Variants in MUC3A observed in about 807,000 individuals in gnomAD.
The protein encoded by MUC3A is mucin-3A.
Under a neutral mutation model 109.0 loss-of-function variants are expected in MUC3A, and 109 were observed. The ratio of observed to expected loss-of-function variants is 1.00; its 90% confidence interval spans 0.86 to 1.17. The LOEUF is 1.17. Among genes scored for constraint, MUC3A ranks in the 50% most tolerant of loss-of-function variants. The pLI, the probability that MUC3A is intolerant of heterozygous loss-of-function variation, is 0.00. For synonymous variants in MUC3A, 1,398 were observed against 981.4 expected (o/e 1.42, Z -7.93); for missense variants, 3,537 against 2,469.4 (o/e 1.43, Z -9.16).
At chr7:100,963,872 A>C (rs764336979) in intron 5 of MUC3A, 120 bp downstream of exon 5, 42 of 1,418,812 alleles carry the variant, frequency 3.0e-5, no homozygotes, top group Admixed American at 3.9e-5. Context: ...GAGGGGGTAC[A>C]TAAGGAATCA....
Position 100,964,798 on chromosome 7 carries a change from C to T in MUC3A, c.9337C>T (p.Leu3113=). Residue 3113 remains leucine (L), a synonymous_variant, in exon 6 of 12, where the codon CTG becomes TTG. Coordinates refer to ENST00000379458, the MANE Select transcript of MUC3A (RefSeq NM_005960.2). ...GGTGAAGACCACGCTGAAGGAGGGG[C>T]TGCAGAACGCCAGCCAGGATGTGAA... ...EQVKTTLKEG[L]QNASQDVNSC... 1.3e-6 allele frequency: 2 copies of T among 1,598,272 alleles called. No individual in the cohort carries two copies. The highest frequency in any genetic ancestry group is 2.2e-5 in the East Asian group (1 of 44,888).
rs1792616335 is a variant in MUC3A, at chr7:100,967,111, ACT to A, written c.9931-7_9931-6del. ...CTCCGCGTTCCCGTCCCTCACTGTG[ACT>A]CTGACAGGTGCACATCAAGAGACCC... is the stretch of plus-strand genomic sequence containing the variant. On this transcript the variant is annotated splice_polypyrimidine_tract_variant and splice_region_variant and intron_variant, in intron 11 of 11. Coordinates refer to ENST00000379458, the MANE Select transcript of MUC3A (RefSeq NM_005960.2). 2 of 1,598,538 alleles carry A rather than the reference ACT, an allele frequency of 1.3e-6. No individual in the cohort carries two copies. The highest frequency in any genetic ancestry group is 1.7e-6 in the Non-Finnish European group (2 of 1,179,816).
At chr7:100,962,777 CTTT>C (rs1792376509) in intron 3 of MUC3A, among the ~76,000 whole-genome samples, 1 of 145,998 alleles carries the variant, frequency 6.8e-6, no homozygotes, top group Admixed American at 6.9e-5. Context: ...TTCTTTCCTT[CTTT>C]CTTTCTCTTT....
intron 3 of MUC3A, among the ~76,000 whole-genome samples, chr7:100,962,633 C>CT (rs1283811279): frequency 1.5e-3 from 1 of 684 alleles, no homozygotes. Context: ...TCGCTCTCTT[C>CT]TTTCTTTTCT....
At position 100,959,098 on chromosome 7, in the gene MUC3A, C is replaced by A. The variant is rs776874267; in HGVS notation, c.7319C>A (p.Thr2440Asn). The A allele has an allele frequency of 1.0e-4, 161 of 1,595,610 alleles. No homozygotes were observed. In the Admixed American group the frequency reaches 2.7e-3, roughly 26 times the overall value. Residue 2440 changes from threonine (T) to asparagine (N), a missense_variant, in exon 2 of 12, where the codon ACT (threonine) becomes AAT (asparagine). Coordinates refer to ENST00000379458, the MANE Select transcript of MUC3A (RefSeq NM_005960.2). Reference sequence around the variant, plus strand: ...ACCACTGAGACCACCTCAGAGAGTACTCCCAGCCTCAGTTCTTCAACCATC... The same window carrying A: ...ACCACTGAGACCACCTCAGAGAGTAATCCCAGCCTCAGTTCTTCAACCATC... The part of the protein sequence containing the change: ...ITTTETTSES[T>N]PSLSSSTIYS...
rs1317829157 is a variant in MUC3A, at chr7:100,964,691, T to G, written c.9234-4T>G. The G allele has an allele frequency of 1.9e-6, 3 of 1,597,800 alleles. No individual in the cohort carries two copies. In the African/African-American group the frequency reaches 4.0e-5, roughly 21 times the overall value. ...GGCACTCTCTAAGGCTGTGGACCCC[T>G]CAGGAATGGCAGCATCGTGGTGGAC... On this transcript the variant is annotated splice_polypyrimidine_tract_variant and splice_region_variant and intron_variant, in intron 5 of 11. Transcript: ENST00000379458.
chr7:100,966,362 G>A (rs1792557691), intron 8 of MUC3A, 24 bp from the exon 9 acceptor site: 1 of 1,319,612 alleles, frequency 7.6e-7, no homozygotes, highest in Non-Finnish European at 9.6e-7. Flanking sequence ...GGTGAAGAGG[G>A]TCTGACCCTG....
rs756940839 is a variant in MUC3A, at chr7:100,958,938, C to T, written c.7159C>T (p.His2387Tyr). Residue 2387 changes from histidine to tyrosine, a missense_variant, in exon 2 of 12, where the codon CAC becomes TAC. Coordinates refer to ENST00000379458, the MANE Select transcript of MUC3A (RefSeq NM_005960.2). ...AATCACCACCACTGAGACCCCCTTA[C>T]ACAGTACTCCTGGCCTCACTTCGTG... ...SSITTTETPL[H>Y]STPGLTSWVT... 8.5e-6 allele frequency: 11 copies of T among 1,290,344 alleles called. No individual in the cohort carries two copies. The African/African-American group carries it at 1.6e-4, about 18-fold the overall frequency. The allele number at this position is 1,290,344 out of a possible 1,614,324, so 79.9% of individuals were successfully genotyped here.
chr7:100,963,271 A>C lies in MUC3A; in HGVS notation c.9168+5A>C. The C allele has an allele frequency of 1.3e-6, 2 of 1,586,368 alleles. No individual in the cohort carries two copies. The highest frequency in any genetic ancestry group is 1.7e-5 in the Admixed American group (1 of 57,906). On this transcript the variant is annotated splice_donor_5th_base_variant and intron_variant, in intron 4 of 11. Transcript: ENST00000379458. ...AACAAGACCTTCTGGAATCAGGTAA[A>C]GGGCAAAGAGAGGGGATTTTTTTTT...
Position 100,966,707 on chromosome 7 carries a change from A to G in MUC3A, c.9841A>G (p.Thr3281Ala), listed in dbSNP as rs748640902. ...FETWDEEVVG[T>A]FSNWGFEDDG... Reference sequence around the variant, plus strand: ...GACCTGGGATGAGGAAGTCGTGGGCACTTTTTCAAACTGGGGTTTCGAGGA... The same window carrying G: ...GACCTGGGATGAGGAAGTCGTGGGCGCTTTTTCAAACTGGGGTTTCGAGGA... The change falls in exon 10 of 12, where the codon ACT (threonine) becomes GCT (alanine). Residue 3281 changes from threonine (T) to alanine (A), a missense_variant. Transcript: ENST00000379458. 6.3e-7 allele frequency: 1 copy of G among 1,598,556 alleles called. No individual in the cohort carries two copies. The highest frequency in any genetic ancestry group is 8.5e-7 in the Non-Finnish European group (1 of 1,179,836).
chr7:100,960,927 G>C lies in MUC3A; in HGVS notation c.9042G>C (p.Gln3014His), dbSNP rs779185872. 1 of 1,598,544 alleles carries C rather than the reference G, an allele frequency of 6.3e-7. No individual in the cohort carries two copies. The highest frequency in any genetic ancestry group is 1.3e-5 in the African/African-American group (1 of 75,086). ...CCAGTTGTGAGTTTGCTGTGGAACA[G>C]GTGGATCTAGGTGAGTTGCCAGAGC... ...YGSSCEFAVEQVDLDVVETEV... is the reference protein window; with the variant it reads ...YGSSCEFAVEHVDLDVVETEV... Residue 3014 changes from glutamine (Q) to histidine (H), a missense_variant, in exon 3 of 12, where the codon CAG (glutamine) becomes CAC (histidine). Gln to His is a conservative substitution (Grantham distance 24). Coordinates refer to ENST00000379458, the MANE Select transcript of MUC3A (RefSeq NM_005960.2).
intron 5 of MUC3A, 149 bp downstream of exon 5, chr7:100,963,901 G>A (rs553555024): frequency 1.5e-5 from 17 of 1,129,562 alleles, no homozygotes; most frequent in South Asian, 8.4e-5. Flanking sequence ...GTATTTTTTC[G>A]GATCGTTTTC....
chr7:100,959,079 G>C lies in MUC3A; in HGVS notation c.7300G>C (p.Glu2434Gln). Residue 2434 changes from glutamate (E) to glutamine (Q), a missense_variant, in exon 2 of 12, where the codon GAG becomes CAG. By Grantham distance (29) the Glu-to-Gln change is conservative (BLOSUM62 2). Transcript: ENST00000379458. ...PGFTSSITTT[E>Q]TTSESTPSLS... is the part of the protein sequence containing the mutation. ...CTTCACTTCTTCAATCACCACCACT[G>C]AGACCACCTCAGAGAGTACTCCCAG... The C allele has an allele frequency of 6.6e-7, 1 of 1,506,214 alleles. No homozygotes were observed. The allele number at this position is 1,506,214 out of a possible 1,614,324, so 93.3% of individuals were successfully genotyped here.
chr7:100,955,126 C>G lies in MUC3A; in HGVS notation c.3347C>G (p.Thr1116Ser). ...ATAACAGGTACATTGTCCACTGCCA[C>G]TACTCTCCCACCCACCTCTTCCTCT... ...TSITGTLSTA[T>S]TLPPTSSSLP... Residue 1116 changes from threonine (T) to serine (S), a missense_variant, in exon 2 of 12, where the codon ACT (threonine) becomes AGT (serine). Thr to Ser is a moderately conservative substitution (Grantham distance 58). Coordinates refer to ENST00000379458, the MANE Select transcript of MUC3A (RefSeq NM_005960.2). 1.8e-6 allele frequency: 1 copy of G among 556,298 alleles called. No homozygotes were observed. 34.5% of individuals were successfully genotyped at this position (556,298 alleles called of 1,614,324 possible).
Position 100,966,493 on chromosome 7 carries a change from T to A in MUC3A, c.9719T>A (p.Leu3240Gln), listed in dbSNP as rs1792566848. 3.8e-6 allele frequency: 5 copies of A among 1,315,646 alleles called. No homozygotes were observed. The highest frequency in any genetic ancestry group is 4.8e-6 in the Non-Finnish European group (5 of 1,042,422). The allele number at this position is 1,315,646 out of a possible 1,614,324, so 81.5% of individuals were successfully genotyped here. The part of the protein sequence containing the change: ...GLTAGAALLV[L>Q]LLLALGVRAV... Reference sequence around the variant, plus strand: ...ACGGCCGGCGCCGCGCTGCTGGTGCTGCTGCTGCTGGCGCTGGGCGTCCGG... The same window carrying A: ...ACGGCCGGCGCCGCGCTGCTGGTGCAGCTGCTGCTGGCGCTGGGCGTCCGG... Residue 3240 changes from leucine (L) to glutamine (Q), a missense_variant, in exon 9 of 12, where the codon CTG (leucine) becomes CAG (glutamine). Transcript: ENST00000379458.
intron 1 of MUC3A, among the ~76,000 whole-genome samples, chr7:100,950,810 G>A (rs1240494919): frequency 3.3e-5 from 5 of 152,306 alleles, no homozygotes; most frequent in African/African-American, 9.6e-5. Flanking sequence ...ATGTCTATTT[G>A]TGTGATGAAC....
Position 100,957,058 on chromosome 7 carries a change from C to T in MUC3A, c.5279C>T (p.Thr1760Ile), listed in dbSNP as rs941366580. Residue 1760 changes from threonine (T) to isoleucine (I), a missense_variant, in exon 2 of 12, where the codon ACT (threonine) becomes ATT (isoleucine). Thr to Ile is a moderately conservative substitution (Grantham distance 89). Transcript: ENST00000379458. The part of the protein sequence containing the change: ...TGSFKTAVSS[T>I]PPITSSITST... ...TCTTTCAAAACAGCCGTGAGTTCTA[C>T]TCCCCCCATCACTTCTTCAATCACC... is the stretch of plus-strand genomic sequence containing the variant. 11 of 453,796 alleles carry T rather than the reference C, an allele frequency of 2.4e-5. No homozygotes were observed. Among genetic ancestry groups the T allele is most frequent in the African/African-American group, 1.5e-4 (6 of 39,238 alleles). 28.1% of individuals were successfully genotyped at this position (453,796 alleles called of 1,614,324 possible).
At position 100,957,145 on chromosome 7, in the gene MUC3A, C is replaced by T. The variant is rs1476855059; in HGVS notation, c.5366C>T (p.Thr1789Met). 2.2e-5 allele frequency: 10 copies of T among 463,438 alleles called. No individual in the cohort carries two copies. The highest frequency in any genetic ancestry group is 6.4e-5 in the South Asian group (1 of 15,680). 28.7% of individuals were successfully genotyped at this position (463,438 alleles called of 1,614,324 possible). Residue 1789 changes from threonine to methionine, a missense_variant, in exon 2 of 12, where the codon ACG becomes ATG. Physicochemically the swap from Thr to Met is moderately conservative, Grantham distance 81. Coordinates refer to ENST00000379458, the MANE Select transcript of MUC3A (RefSeq NM_005960.2). The stretch of plus-strand genomic sequence containing the variant: ...CCTCTAGGGCCCACAGCCACTAATA[C>T]GTTACCATCATTTACCAGTAGCGTT... The part of the protein sequence containing the change: ...TTPLGPTATN[T>M]LPSFTSSVSS...
Position 100,967,283 on chromosome 7 carries a change from A to G in MUC3A, c.*121A>G. ...GCCCAGGCTCCTGCTGTTCTTGGGC[A>G]AGATGAGACTGTTCCCCCAAATCCC... On this transcript the variant is annotated 3_prime_UTR_variant, in exon 12 of 12. Coordinates refer to ENST00000379458, the MANE Select transcript of MUC3A (RefSeq NM_005960.2). The G allele has an allele frequency of 6.9e-7, 1 of 1,456,590 alleles. No individual in the cohort carries two copies. Among genetic ancestry groups the G allele is most frequent in the Non-Finnish European group, 9.3e-7 (1 of 1,076,510 alleles). The allele number at this position is 1,456,590 out of a possible 1,614,324, so 90.2% of individuals were successfully genotyped here.
Sources: allele counts gnomAD v4.1 joint callset (sites outside exome capture counted in the v4.1 genomes callset), GRCh38; gene constraint gnomAD v4.1.1; transcripts MANE v1.5; gene names NCBI Gene and HGNC (gene_info 2026-07-23, HGNC 2026-07-21).